Variants in LIN54 observed in about 807,000 individuals in gnomAD.
LIN54 encodes the protein protein lin-54 homolog.
In LIN54, 9 loss-of-function variants were observed where a neutral mutation model predicts 78.7. That is an observed-to-expected ratio of 0.11 (90% CI 0.07 to 0.20). LIN54 has a LOEUF of 0.20. Among genes scored for constraint, LIN54 ranks in the 10% least tolerant of loss-of-function variants. The pLI, the probability that LIN54 is intolerant of heterozygous loss-of-function variation, is 1.00. For missense variants in LIN54, 573 were observed against 889.9 expected (o/e 0.64, Z 4.53); for synonymous variants, 269 against 318.4 (o/e 0.84, Z 1.65).
At chr4:83,001,261 T>C (rs181297411) in intron 1 of LIN54, among the ~76,000 whole-genome samples, 58 of 152,318 alleles carry the variant, frequency 3.8e-4, no homozygotes, top group African/African-American at 1.3e-3. Flanking sequence ...TTTCAAGATA[T>C]GCATCTTGGG....
At chr4:82,964,291 T>C (rs1205598401) in intron 4 of LIN54, among the ~76,000 whole-genome samples, 3 of 152,220 alleles carry the variant, frequency 2.0e-5, no homozygotes, top group Non-Finnish European at 2.9e-5. Flanking sequence ...CCTCAAATGA[T>C]CTTCCCGCCT....
intron 4 of LIN54, among the ~76,000 whole-genome samples, chr4:82,949,036 A>G (rs1723633120): frequency 6.6e-6 from 1 of 152,192 alleles, no homozygotes; most frequent in South Asian, 2.1e-4. Flanking sequence ...TTCCCAGAAG[A>G]GGGATTGCTG....
At chr4:82,985,951 T>C (rs1727095706) in intron 1 of LIN54, among the ~76,000 whole-genome samples, 1 of 152,222 alleles carries the variant, frequency 6.6e-6, no homozygotes, top group African/African-American at 2.4e-5. Flanking sequence ...CTTTGAGCTG[T>C]GGTACTTTTA....
At chr4:82,947,235 A>ATTTTTTT (rs34511957) in intron 4 of LIN54, among the ~76,000 whole-genome samples, 1,094 of 44,276 alleles carry the variant, frequency 0.025, 118 homozygotes, top group African/African-American at 0.033. Context: ...ATATATATAT[A>ATTTTTTT]TTTTTTTTTT....
At chr4:82,967,494 T>C (rs1353896080) in intron 4 of LIN54, among the ~76,000 whole-genome samples, 2 of 152,170 alleles carry the variant, frequency 1.3e-5, no homozygotes, top group Middle Eastern at 3.2e-3. Flanking sequence ...TTCTAGAAGT[T>C]TCCCACTGGC....
At chr4:82,974,700 G>A (rs1014453212) in intron 3 of LIN54, among the ~76,000 whole-genome samples, 1 of 152,100 alleles carries the variant, frequency 6.6e-6, no homozygotes, top group South Asian at 2.1e-4. Context: ...TCGCACCACT[G>A]CATTCCAACC....
intron 3 of LIN54, among the ~76,000 whole-genome samples, chr4:82,978,135 G>A (rs1726318645): frequency 6.6e-6 from 1 of 152,168 alleles, no homozygotes; most frequent in Non-Finnish European, 1.5e-5. Context: ...AGAAAGGCAA[G>A]TAAACTAAAA....
In LIN54 at chr4:82,924,869, ATCAAAG is replaced by A. The variant is rs1271161115; in HGVS notation, c.*3227_*3232del. 1 of 152,658 alleles carries A rather than the reference ATCAAAG, an allele frequency of 6.6e-6. No homozygotes were observed. The highest frequency in any genetic ancestry group is 2.4e-5 in the African/African-American group (1 of 41,472). 9.5% of individuals were successfully genotyped at this position (152,658 alleles called of 1,614,324 possible). A position where few individuals can be genotyped will look rare whatever the true frequency, so the allele number is the denominator to read the frequency against. On this transcript the variant is annotated 3_prime_UTR_variant, in exon 13 of 13. Transcript: ENST00000340417. Reference sequence around the variant, plus strand: ...TAAAATGCTTAAGAGATACAACATGATCAAAGTTATGGCCGGAGGTCCTGCTGTGAA... The same window carrying A: ...TAAAATGCTTAAGAGATACAACATGATTATGGCCGGAGGTCCTGCTGTGAA...
At position 83,010,620 on chromosome 4, in the gene LIN54, G is replaced by A; in HGVS notation, c.-169C>T. On this transcript the variant is annotated 5_prime_UTR_variant, in exon 1 of 13. Coordinates refer to ENST00000340417, the MANE Select transcript of LIN54 (RefSeq NM_194282.4). ...GGCCAGCAGCTTCCTTTCCCAGTTT[G>A]TCCAAACTGGAGCGCTCCAGGGTAC... 8.1e-7 allele frequency: 1 copy of A among 1,229,644 alleles called. No individual in the cohort carries two copies. The highest frequency in any genetic ancestry group is 1.0e-6 in the Non-Finnish European group (1 of 986,438). The allele number at this position is 1,229,644 out of a possible 1,614,324, so 76.2% of individuals were successfully genotyped here. A position where few individuals can be genotyped will look rare whatever the true frequency, so the allele number is the denominator to read the frequency against.
At chr4:82,988,830 G>A (rs985470421) in intron 1 of LIN54, among the ~76,000 whole-genome samples, 1 of 152,116 alleles carries the variant, frequency 6.6e-6, no homozygotes, top group Non-Finnish European at 1.5e-5. Flanking sequence ...CTCTTTTCAT[G>A]TGCATATTGT....
At chr4:82,939,452 G>T (rs752227853) in intron 7 of LIN54, 87 bp downstream of exon 7, 245 of 1,098,206 alleles carry the variant, frequency 2.2e-4, no homozygotes, top group Middle Eastern at 7.3e-4. Flanking sequence ...TGAGTTAGAT[G>T]TGTTTGAGTA....
At chr4:83,010,959 C>G (rs1053370085), upstream of LIN54, 1 of 692,780 alleles carries the variant, frequency 1.4e-6, no homozygotes, top group Admixed American at 4.6e-5. Context: ...CGGGCTACGC[C>G]GAGACCTTTC....
intron 4 of LIN54, among the ~76,000 whole-genome samples, chr4:82,961,526 G>GA (rs34599581): frequency 4.0e-5 from 6 of 151,708 alleles, no homozygotes; most frequent in Middle Eastern, 3.4e-3. Context: ...AATAAAGGCT[G>GA]AAAAAAAAGA....
At chr4:82,981,857 C>A (rs1339564102) in intron 2 of LIN54, among the ~76,000 whole-genome samples, 1 of 151,914 alleles carries the variant, frequency 6.6e-6, no homozygotes, top group African/African-American at 2.4e-5. Context: ...CATGGCAAAG[C>A]CCCATCTCTA....
intron 4 of LIN54, among the ~76,000 whole-genome samples, chr4:82,969,993 T>G (rs1487815456): frequency 6.6e-6 from 1 of 152,180 alleles, no homozygotes; most frequent in East Asian, 1.9e-4. Flanking sequence ...TAAGTCTATA[T>G]GTACCTTCCA....
intron 11 of LIN54, among the ~76,000 whole-genome samples, chr4:82,932,516 A>G (rs940444660): frequency 1.3e-5 from 2 of 151,726 alleles, no homozygotes; most frequent in Non-Finnish European, 2.9e-5. Flanking sequence ...AATGAATATT[A>G]TAATTCCTTT....
intron 4 of LIN54, among the ~76,000 whole-genome samples, chr4:82,950,166 T>A (rs1723744333): frequency 6.6e-6 from 1 of 152,112 alleles, no homozygotes. Flanking sequence ...AAACTACAGA[T>A]CATATTCCGA....
intron 3 of LIN54, among the ~76,000 whole-genome samples, chr4:82,975,439 G>A (rs1006609626): frequency 1.3e-5 from 2 of 151,556 alleles, no homozygotes; most frequent in Non-Finnish European, 1.5e-5. Flanking sequence ...GGCCAGGCGC[G>A]GTGGCTCATG....
At chr4:83,004,226 T>C (rs1321919227) in intron 1 of LIN54, among the ~76,000 whole-genome samples, 1 of 151,666 alleles carries the variant, frequency 6.6e-6, no homozygotes, top group South Asian at 2.1e-4. Context: ...TGACACCCCG[T>C]CTCTACTAAA....
Sources: allele counts gnomAD v4.1 joint callset (sites outside exome capture counted in the v4.1 genomes callset), GRCh38; gene constraint gnomAD v4.1.1; transcripts MANE v1.5; gene names NCBI Gene and HGNC (gene_info 2026-07-23, HGNC 2026-07-21).